The following SCARA3 variants were observed in gnomAD, a reference collection of about 807,000 sequenced individuals.
SCARA3 encodes scavenger receptor class A member 3.
Under a neutral mutation model 47.0 loss-of-function variants are expected in SCARA3, and 39 were observed. The ratio of observed to expected loss-of-function variants is 0.83; its 90% confidence interval spans 0.64 to 1.08. The LOEUF is 1.08. Ranked by LOEUF, SCARA3 falls within the 50% of genes least tolerant of loss-of-function variation. The pLI is 0.00. For missense variants in SCARA3, 724 were observed against 792.3 expected (o/e 0.91, Z 1.04); for synonymous variants, 356 against 334.1 (o/e 1.07, Z -0.71).
At chr8:27,673,041 C>T (rs1180247479), downstream of SCARA3, 20 of 975,798 alleles carry the variant, frequency 2.0e-5, no homozygotes, top group Non-Finnish European at 2.4e-5. Context: ...TGAGTCCTTT[C>T]TGCCTGACTT....
chr8:27,682,342 T>C, the SCARA3 span, among the ~76,000 whole-genome samples: 15 of 152,186 alleles, frequency 9.9e-5, no homozygotes, highest in Admixed American at 3.3e-4. Flanking sequence ...GAAAATACTA[T>C]CATGAACTTG....
the SCARA3 span, among the ~76,000 whole-genome samples, chr8:27,694,149 G>T: frequency 6.6e-6 from 1 of 152,156 alleles, no homozygotes; most frequent in Non-Finnish European, 1.5e-5. Flanking sequence ...TGTGGTCTTG[G>T]ACATGTTGCC....
the SCARA3 span, among the ~76,000 whole-genome samples, chr8:27,714,193 C>A: frequency 8.8e-6 from 1 of 114,112 alleles, no homozygotes; most frequent in African/African-American, 3.6e-5. Context: ...TCAGGTATTC[C>A]TTTTTTTTTT....
Position 27,634,120 on chromosome 8 carries a change from G to C in SCARA3, c.-81G>C. The C allele has an allele frequency of 1.5e-6, 2 of 1,363,038 alleles. No homozygotes were observed. The highest frequency in any genetic ancestry group is 1.9e-6 in the Non-Finnish European group (2 of 1,043,108). The allele number at this position is 1,363,038 out of a possible 1,614,324, so 84.4% of individuals were successfully genotyped here. ...GCCTAGGACGGCGATCCGCGCCCTGGAGGATCCGCCGGCCGCCCGGCTCCA... is the reference window on the plus strand; with the variant it reads ...GCCTAGGACGGCGATCCGCGCCCTGCAGGATCCGCCGGCCGCCCGGCTCCA... On this transcript the variant is annotated 5_prime_UTR_variant, in exon 1 of 6. Transcript: ENST00000301904.
the SCARA3 span, among the ~76,000 whole-genome samples, chr8:27,698,025 T>C: frequency 1.3e-5 from 2 of 152,216 alleles, no homozygotes; most frequent in Admixed American, 6.5e-5. Context: ...ATATTTGATA[T>C]TTTAAAAAGA....
At position 27,671,913 on chromosome 8, in the gene SCARA3, T is replaced by C. The variant is rs907003316; in HGVS notation, c.*562T>C. ...GAGGGCAGAGGAAGACCCCCTCTCC[T>C]GTGACTGAGCCTGCCAGGGAGGCAG... On this transcript the variant is annotated 3_prime_UTR_variant, in exon 6 of 6. Transcript: ENST00000301904. 7.1e-6 allele frequency: 7 copies of C among 985,328 alleles called. No individual in the cohort carries two copies. Among genetic ancestry groups the C allele is most frequent in the Non-Finnish European group, 8.4e-6 (7 of 829,932 alleles). 61.0% of individuals were successfully genotyped at this position (985,328 alleles called of 1,614,324 possible).
At chr8:27,670,693 T>C (rs1168098896) in intron 5 of SCARA3, among the ~76,000 whole-genome samples, 1 of 152,000 alleles carries the variant, frequency 6.6e-6, no homozygotes, top group Non-Finnish European at 1.5e-5. Context: ...TCTCAGTGTG[T>C]GTGCGGAGCT....
rs11374289 is a variant in SCARA3 at position 27,660,532 on chromosome 8, G to GAGATAGATAGATAGAT, written c.1369+1007_1369+1022dup. Among the ~76,000 whole-genome samples, 1,472 of 147,684 alleles carry GAGATAGATAGATAGAT rather than the reference G, an allele frequency of 1.0e-2. 36 individuals carry two copies. Among genetic ancestry groups the GAGATAGATAGATAGAT allele is most frequent in the African/African-American group, 0.034 (1,342 of 39,006 alleles). ...AGGATAGAGATAAAGAGATAGAGAT[G>GAGATAGATAGATAGAT]AGATAGATAGATAGATAGATAGATA... On this transcript the variant is annotated intron_variant, in intron 5 of 5. Coordinates refer to ENST00000301904, the MANE Select transcript of SCARA3 (RefSeq NM_016240.3).
At chr8:27,725,014 G>C in the SCARA3 span, among the ~76,000 whole-genome samples, 3 of 152,136 alleles carry the variant, frequency 2.0e-5, no homozygotes, top group Admixed American at 6.5e-5. Context: ...AGAATCGGTG[G>C]TGGCTCACAC....
At chr8:27,664,149 C>CG (rs1801967966) in intron 5 of SCARA3, among the ~76,000 whole-genome samples, 1 of 152,214 alleles carries the variant, frequency 6.6e-6, no homozygotes. Context: ...GACATGGTAA[C>CG]GGAAATCTTC....
At chr8:27,643,194 G>A (rs908952982) in intron 1 of SCARA3, among the ~76,000 whole-genome samples, 2 of 152,170 alleles carry the variant, frequency 1.3e-5, no homozygotes, top group Non-Finnish European at 2.9e-5. Context: ...GAAAAGTTGA[G>A]GGCAAGAAAG....
At chr8:27,682,052 A>T in the SCARA3 span, among the ~76,000 whole-genome samples, 3 of 152,218 alleles carry the variant, frequency 2.0e-5, no homozygotes, top group African/African-American at 7.2e-5. Flanking sequence ...TAAAGATATT[A>T]TAATCAAGAC....
chr8:27,700,655 A>C, the SCARA3 span, among the ~76,000 whole-genome samples: 3 of 152,220 alleles, frequency 2.0e-5, no homozygotes, highest in Non-Finnish European at 4.4e-5. Context: ...GACATTTTGC[A>C]AGAAAAGTAT....
the SCARA3 span, among the ~76,000 whole-genome samples, chr8:27,692,057 G>C: frequency 6.6e-6 from 1 of 152,142 alleles, no homozygotes; most frequent in Non-Finnish European, 1.5e-5. Context: ...GGAAGGGGGA[G>C]TTGGACATAC....
intron 1 of SCARA3, among the ~76,000 whole-genome samples, chr8:27,647,051 G>A (rs1467083770): frequency 7.2e-6 from 1 of 138,666 alleles, no homozygotes; most frequent in Non-Finnish European, 1.5e-5. Context: ...GGAAAACCAG[G>A]ATTCCGGAAG....
At chr8:27,707,880 A>G in the SCARA3 span, among the ~76,000 whole-genome samples, 1 of 152,180 alleles carries the variant, frequency 6.6e-6, no homozygotes, top group African/African-American at 2.4e-5. Context: ...GCATCTAAAA[A>G]TGATGGGAGA....
At chr8:27,710,072 T>C in the SCARA3 span, among the ~76,000 whole-genome samples, 3 of 152,108 alleles carry the variant, frequency 2.0e-5, no homozygotes, top group Non-Finnish European at 2.9e-5. Context: ...CTACTACAAA[T>C]ACAAAAAATT....
At position 27,671,515 on chromosome 8, in the gene SCARA3, C is replaced by T; in HGVS notation, c.*164C>T. ...TTTGGGCTCCCCCATAGTGACTGTG[C>T]CATAGGAAAGCAGCCCCTCCTCACA... On this transcript the variant is annotated 3_prime_UTR_variant, in exon 6 of 6. Transcript: ENST00000301904. The T allele has an allele frequency of 7.8e-7, 1 of 1,287,546 alleles. No homozygotes were observed. The highest frequency in any genetic ancestry group is 9.8e-7 in the Non-Finnish European group (1 of 1,022,724). 79.8% of individuals were successfully genotyped at this position (1,287,546 alleles called of 1,614,324 possible).
downstream of SCARA3, among the ~76,000 whole-genome samples, chr8:27,673,995 C>T (rs1302498921): frequency 4.6e-5 from 7 of 152,168 alleles, no homozygotes; most frequent in Admixed American, 1.3e-4. Flanking sequence ...TCTGGTGTCT[C>T]TGGCTAGTGG....
Sources: gnomAD v4.1 joint callset for allele counts (sites outside exome capture counted in the v4.1 genomes callset) on GRCh38, gnomAD v4.1.1 for gene constraint, MANE v1.5 for transcripts, NCBI Gene and HGNC (gene_info 2026-07-23, HGNC 2026-07-21) for gene names.